Variants in DDO observed in about 807,000 individuals in gnomAD.
The protein encoded by DDO is D-aspartate oxidase.
Under a neutral mutation model 16.8 loss-of-function variants are expected in DDO, and 16 were observed. That is an observed-to-expected ratio of 0.95 (90% CI 0.65 to 1.45). DDO has a LOEUF of 1.45. DDO is among the 40% of genes most tolerant of loss of function. The probability of loss-of-function intolerance (pLI) is 0.00; values close to 1 mark genes in which losing one functional copy is unlikely to be tolerated. For synonymous variants in DDO, 180 were observed against 167.2 expected, an observed-to-expected ratio of 1.08 and a Z score of -0.59; for missense variants, 429 against 420.3, an observed-to-expected ratio of 1.02 and a Z score of -0.18.
intron 4 of DDO, among the ~76,000 whole-genome samples, chr6:110,403,120 C>T (rs528463868): frequency 6.6e-6 from 1 of 152,270 alleles, no homozygotes; most frequent in East Asian, 1.9e-4. Context: ...ATTTTGAGCT[C>T]TTTTTGAGTC....
At chr6:110,405,110 C>T (rs1773605750) in intron 3 of DDO, among the ~76,000 whole-genome samples, 160 bp from the exon 4 acceptor site, 1 of 152,208 alleles carries the variant, frequency 6.6e-6, no homozygotes, top group Non-Finnish European at 1.5e-5. Context: ...AATCATGGCC[C>T]ACTGCAGCCT....
intron 2 of DDO, among the ~76,000 whole-genome samples, chr6:110,412,914 G>C (rs1223742270): frequency 2.0e-5 from 3 of 152,162 alleles, no homozygotes; most frequent in Admixed American, 6.5e-5. Context: ...GAGGCCAAGG[G>C]GGATGAATCG....
chr6:110,415,338 G>A, intron 1 of DDO, 129 bp downstream of exon 1: 1 of 1,231,596 alleles, frequency 8.1e-7, no homozygotes, highest in East Asian at 2.6e-5. Flanking sequence ...GGAGGAGTGA[G>A]CGAGCAATGT....
In DDO at chr6:110,392,586, C is replaced by T; in HGVS notation, c.*189G>A. On this transcript the variant is annotated 3_prime_UTR_variant, in exon 5 of 5. Transcript: ENST00000368924. ...TCAAACTCCTGGGCTCAACAATCCT[C>T]CTGCCTCAGCCTCTCAAGTAGCTGG... The T allele has an allele frequency of 8.0e-7, 1 of 1,251,852 alleles. No individual in the cohort carries two copies. The highest frequency in any genetic ancestry group is 1.0e-6 in the Non-Finnish European group (1 of 999,864). 77.5% of individuals were successfully genotyped at this position (1,251,852 alleles called of 1,614,324 possible).
intron 1 of DDO, among the ~76,000 whole-genome samples, chr6:110,414,335 T>C (rs1773970156): frequency 6.6e-6 from 1 of 152,226 alleles, no homozygotes; most frequent in African/African-American, 2.4e-5. Flanking sequence ...ACAGGTTCTG[T>C]AACCTGAGGA....
downstream of DDO, among the ~76,000 whole-genome samples, chr6:110,389,460 T>A (rs1773065798): frequency 6.6e-6 from 1 of 152,240 alleles, no homozygotes; most frequent in Non-Finnish European, 1.5e-5. Flanking sequence ...AAATGAGAAA[T>A]GCAAAGGCTA....
Position 110,415,460 on chromosome 6 carries a change from C to G in DDO, c.-5+7G>C. The G allele has an allele frequency of 6.2e-7, 1 of 1,614,114 alleles. No homozygotes were observed. Among genetic ancestry groups the G allele is most frequent in the Non-Finnish European group, 8.5e-7 (1 of 1,179,980 alleles). On this transcript the variant is annotated splice_region_variant and intron_variant, in intron 1 of 4. Coordinates refer to ENST00000368924, the MANE Select transcript of DDO (RefSeq NM_001372108.2). ...GACCCCTCAGCTGAAAGCAAGAATT[C>G]AAGTACCTGTCTCTGAAAAAGCAGT...
At position 110,413,458 on chromosome 6, in the gene DDO, T is replaced by A. The variant is rs749432909; in HGVS notation, c.5A>T (p.Asp2Val). ...CCCGACAACTGCAATCCGTGCTGTGTCCATGAGCCTGTGAGGAGGGAAATG... is the reference window on the plus strand; with the variant it reads ...CCCGACAACTGCAATCCGTGCTGTGACCATGAGCCTGTGAGGAGGGAAATG... M[D>V]TARIAVVGAG... Residue 2 changes from aspartate to valine, a missense_variant, in exon 2 of 5, where the codon GAC becomes GTC. By Grantham distance (152) the Asp-to-Val change is radical. Coordinates refer to ENST00000368924, the MANE Select transcript of DDO (RefSeq NM_001372108.2). 2 of 1,613,180 alleles carry A rather than the reference T, an allele frequency of 1.2e-6. No homozygotes were observed. Among genetic ancestry groups the A allele is most frequent in the Admixed American group, 3.3e-5 (2 of 60,000 alleles).
At chr6:110,408,538 A>G (rs2114836092) in intron 2 of DDO, 96 bp from the exon 3 acceptor site, 2 of 1,059,050 alleles carry the variant, frequency 1.9e-6, no homozygotes, top group African/African-American at 1.6e-5. Context: ...TGGAAAAAAA[A>G]TAAGGAGGCA....
chr6:110,410,114 C>T (rs1425894109), intron 2 of DDO, among the ~76,000 whole-genome samples: 1 of 152,198 alleles, frequency 6.6e-6, no homozygotes, highest in East Asian at 1.9e-4. Flanking sequence ...TTTATGAGCA[C>T]AGGAGATAGT....
chr6:110,394,408 C>T (rs1308760907), intron 4 of DDO, among the ~76,000 whole-genome samples: 1 of 152,140 alleles, frequency 6.6e-6, no homozygotes, highest in Non-Finnish European at 1.5e-5. Context: ...TGCCTGGCCT[C>T]CAGAACTTTT....
At chr6:110,405,688 C>G (rs538970794) in intron 3 of DDO, among the ~76,000 whole-genome samples, 1 of 151,854 alleles carries the variant, frequency 6.6e-6, no homozygotes, top group South Asian at 2.1e-4. Context: ...TTTAGGAGGC[C>G]GAGGGGAAGT....
intron 3 of DDO, among the ~76,000 whole-genome samples, chr6:110,407,737 G>T (rs1773705700): frequency 6.6e-6 from 1 of 152,162 alleles, no homozygotes; most frequent in African/African-American, 2.4e-5. Context: ...CTTACTAATA[G>T]AAATGTCAAA....
intron 4 of DDO, among the ~76,000 whole-genome samples, chr6:110,400,426 C>T (rs1204167216): frequency 1.3e-5 from 2 of 151,056 alleles, no homozygotes; most frequent in South Asian, 2.1e-4. Context: ...CGAGGCAGGG[C>T]GGCACCAGGC....
downstream of DDO, chr6:110,388,726 A>G: frequency 1.4e-5 from 12 of 886,658 alleles, no homozygotes; most frequent in Non-Finnish European, 1.6e-5. Flanking sequence ...CCTCTGGGTC[A>G]CAGACACAGC....
chr6:110,415,437 C>A (rs375633882), intron 1 of DDO, 30 bp downstream of exon 1: 4 of 1,613,066 alleles, frequency 2.5e-6, no homozygotes, highest in Non-Finnish European at 3.4e-6. Context: ...GACGGAACGA[C>A]CCCTCAGCTG....
intron 1 of DDO, among the ~76,000 whole-genome samples, chr6:110,414,959 G>T (rs1327282392): frequency 3.3e-5 from 5 of 152,100 alleles, no homozygotes; most frequent in South Asian, 2.1e-4. Flanking sequence ...TTCTCTTCCA[G>T]TTCTGAAGAT....
chr6:110,406,540 A>G (rs1773662601), intron 3 of DDO, among the ~76,000 whole-genome samples: 1 of 152,132 alleles, frequency 6.6e-6, no homozygotes, highest in Non-Finnish European at 1.5e-5. Context: ...CCACAAATCT[A>G]TTCTCCACAC....
chr6:110,409,279 TCA>T (rs1773768551), intron 2 of DDO, among the ~76,000 whole-genome samples: 1 of 152,142 alleles, frequency 6.6e-6, no homozygotes, highest in South Asian at 2.1e-4. Context: ...TGACCCAAAA[TCA>T]CAGACAAATC....
Sources: gnomAD v4.1 joint callset for allele counts (sites outside exome capture counted in the v4.1 genomes callset) on GRCh38, gnomAD v4.1.1 for gene constraint, MANE v1.5 for transcripts, NCBI Gene and HGNC (gene_info 2026-07-23, HGNC 2026-07-21) for gene names.